Variants in KLKB1 observed in about 807,000 individuals in gnomAD.
KLKB1 encodes kallikrein B1, also known as plasma kallikrein.
Under a neutral mutation model 73.6 loss-of-function variants are expected in KLKB1, and 58 were observed. The ratio of observed to expected loss-of-function variants is 0.79; its 90% CI spans 0.64 to 0.98. KLKB1 has a LOEUF of 0.98. Among genes scored for constraint, KLKB1 ranks in the 50% least tolerant of loss-of-function variants. The probability of loss-of-function intolerance (pLI) is 0.00; values close to 1 mark genes in which losing one functional copy is unlikely to be tolerated. For missense variants in KLKB1, 737 were observed against 763.8 expected (o/e 0.96, Z 0.41); for synonymous variants, 280 against 258.1 (o/e 1.08, Z -0.81).
chr4:186,231,863 T>G (rs1478838456), intron 2 of KLKB1, among the ~76,000 whole-genome samples: 1 of 152,238 alleles, frequency 6.6e-6, no homozygotes, highest in Non-Finnish European at 1.5e-5. Context: ...GATTTTATTT[T>G]ATTGTGGGGA....
intron 4 of KLKB1, among the ~76,000 whole-genome samples, chr4:186,234,890 T>G (rs1047512185): frequency 2.6e-5 from 4 of 152,260 alleles, no homozygotes; most frequent in Non-Finnish European, 5.9e-5. Context: ...GTCAGAATCT[T>G]AAAATAACTG....
At chr4:186,234,125 A>G in intron 4 of KLKB1, 67 bp downstream of exon 4, 1 of 1,225,362 alleles carries the variant, frequency 8.2e-7, no homozygotes, top group Non-Finnish European at 1.2e-6. Flanking sequence ...GCTTTTGCTC[A>G]AAGTTTGTAC....
At chr4:186,232,560 C>T (rs993535848) in intron 3 of KLKB1, among the ~76,000 whole-genome samples, 4 of 152,134 alleles carry the variant, frequency 2.6e-5, no homozygotes, top group Non-Finnish European at 5.9e-5. Context: ...CTATTCAAAG[C>T]CTCAAAATGC....
chr4:186,227,188 A>G (rs1054202647), upstream of KLKB1, among the ~76,000 whole-genome samples: 5 of 152,094 alleles, frequency 3.3e-5, no homozygotes, highest in Admixed American at 6.5e-5. Flanking sequence ...TCCTTCCTAT[A>G]CACTTCTATG....
At chr4:186,227,189 C>T (rs1737195860), upstream of KLKB1, among the ~76,000 whole-genome samples, 1 of 152,190 alleles carries the variant, frequency 6.6e-6, no homozygotes, top group Non-Finnish European at 1.5e-5. Flanking sequence ...CCTTCCTATA[C>T]ACTTCTATGT....
rs1243099986 is a variant in KLKB1, at chr4:186,254,665, C to T, written c.1391C>T (p.Ser464Leu). 2 of 1,613,260 alleles carry T rather than the reference C, an allele frequency of 1.2e-6. No individual in the cohort carries two copies. The highest frequency in any genetic ancestry group is 2.2e-5 in the East Asian group (1 of 44,894). ...LSDITKDTPF[S>L]QIKEIIIHQN... ...GACATTACAAAAGATACACCTTTCTCACAAATAAAAGAGATTATTATTCAC... is the reference window on the plus strand; with the variant it reads ...GACATTACAAAAGATACACCTTTCTTACAAATAAAAGAGATTATTATTCAC... The change falls in exon 12 of 15, where the codon TCA becomes TTA. Residue 464 changes from serine (S) to leucine (L), a missense_variant. Coordinates refer to ENST00000264690, the MANE Select transcript of KLKB1 (RefSeq NM_000892.5).
chr4:186,225,757 A>G (rs571931046), upstream of KLKB1, among the ~76,000 whole-genome samples: 4 of 152,030 alleles, frequency 2.6e-5, no homozygotes, highest in South Asian at 4.2e-4. Flanking sequence ...TATTTAATCT[A>G]TTTGGAGTTC....
At position 186,241,641 on chromosome 4, in the gene KLKB1, T is replaced by C. The variant is rs181122963; in HGVS notation, c.598+3276T>C. ...TGACTTATTAATTTATCAATTGAGATGGTACACATATTTTCAAGCCAAAAG... is the reference window on the plus strand; with the variant it reads ...TGACTTATTAATTTATCAATTGAGACGGTACACATATTTTCAAGCCAAAAG... On this transcript the variant is annotated intron_variant, in intron 6 of 14. Coordinates refer to ENST00000264690, the MANE Select transcript of KLKB1 (RefSeq NM_000892.5). Among the ~76,000 whole-genome samples, 14 of 152,292 alleles carry C rather than the reference T, an allele frequency of 9.2e-5. 1 individual carries two copies. The highest frequency in any genetic ancestry group is 7.8e-4 in the Admixed American group (12 of 15,300).
At chr4:186,217,977 A>G (rs551466018) in intron 2 of KLKB1, among the ~76,000 whole-genome samples, 2 of 152,298 alleles carry the variant, frequency 1.3e-5, no homozygotes, top group South Asian at 4.1e-4. Context: ...CAGATAGTAA[A>G]TCTTCTTGGC....
intron 6 of KLKB1, among the ~76,000 whole-genome samples, chr4:186,238,620 A>G (rs1737834921): frequency 6.6e-6 from 1 of 152,174 alleles, no homozygotes; most frequent in Non-Finnish European, 1.5e-5. Context: ...TCAGAGCCAG[A>G]GAGAGAGGTT....
At chr4:186,254,863 T>A (rs558172040) in intron 12 of KLKB1, 100 bp downstream of exon 12, 2 of 1,080,774 alleles carry the variant, frequency 1.9e-6, no homozygotes, top group African/African-American at 1.6e-5. Flanking sequence ...CTGTCGTCGT[T>A]TTCTGACTGG....
At chr4:186,247,985 C>T (rs1349794626) in intron 6 of KLKB1, among the ~76,000 whole-genome samples, 6 of 152,288 alleles carry the variant, frequency 3.9e-5, no homozygotes, top group East Asian at 1.9e-4. Context: ...CGGTGGCTCA[C>T]GCCTGTAATC....
Position 186,251,589 on chromosome 4 carries a change from A to G in KLKB1, c.971A>G (p.Lys324Arg), listed in dbSNP as rs1308463192. Reference protein sequence around the residue: ...GVNVCQETCTKMIRCQFFTYS... With the variant: ...GVNVCQETCTRMIRCQFFTYS... Reference sequence around the variant, plus strand: ...AATGTTTGCCAAGAGACTTGCACAAAGATGATTCGCTGTCAGTTTTTCACT... The same window carrying G: ...AATGTTTGCCAAGAGACTTGCACAAGGATGATTCGCTGTCAGTTTTTCACT... The change falls in exon 9 of 15, where the codon AAG (lysine) becomes AGG (arginine). Residue 324 changes from lysine to arginine, a missense_variant. Transcript: ENST00000264690. The G allele has an allele frequency of 6.2e-7, 1 of 1,614,174 alleles. No homozygotes were observed. The highest frequency in any genetic ancestry group is 1.7e-5 in the Admixed American group (1 of 60,028).
intron 6 of KLKB1, among the ~76,000 whole-genome samples, chr4:186,240,062 A>G (rs1348214274): frequency 6.6e-6 from 1 of 150,506 alleles, no homozygotes; most frequent in Non-Finnish European, 1.5e-5. Context: ...TGATATTGTT[A>G]TAGTTATAGG....
rs1167993050 is a variant in KLKB1, at chr4:186,240,258, G to T, written c.598+1893G>T. Among the ~76,000 whole-genome samples, 5 of 152,012 alleles carry T rather than the reference G, an allele frequency of 3.3e-5. No individual in the cohort carries two copies. The East Asian group carries it at 7.8e-4, about 24-fold the overall frequency. ...GTTATAGGACAGTGATGTAGTTACA[G>T]TGATATAGGTACAGTGATATTGTTA... On this transcript the variant is annotated intron_variant, in intron 6 of 14. Coordinates refer to ENST00000264690, the MANE Select transcript of KLKB1 (RefSeq NM_000892.5).
At chr4:186,227,335 G>C (rs1737202387), upstream of KLKB1, 1 of 152,194 alleles carries the variant, frequency 6.6e-6, no homozygotes, top group Non-Finnish European at 1.5e-5. Context: ...AGAAACTCCT[G>C]TTCTGACAAA....
In KLKB1 at chr4:186,251,207, T is replaced by A. The variant is rs561427425; in HGVS notation, c.759-12T>A. On this transcript the variant is annotated splice_polypyrimidine_tract_variant and intron_variant, in intron 7 of 14. Coordinates refer to ENST00000264690, the MANE Select transcript of KLKB1 (RefSeq NM_000892.5). ...TCTTTCTTTCTCTCTTGCTTTTTTT[T>A]AAAAAAAATAGAAATGTTTGTCTTC... 6.0e-5 allele frequency: 93 copies of A among 1,557,998 alleles called. No individual in the cohort carries two copies. The African/African-American group carries it at 6.0e-4, about 10-fold the overall frequency.
chr4:186,258,054 A>G lies in KLKB1; in HGVS notation c.1759A>G (p.Asn587Asp), dbSNP rs750817777. Residue 587 changes from asparagine (N) to aspartate (D), a missense_variant, in exon 15 of 15, where the codon AAT (asparagine) becomes GAT (aspartate). Coordinates refer to ENST00000264690, the MANE Select transcript of KLKB1 (RefSeq NM_000892.5). ...DSGGPLVCKH[N>D]GMWRLVGITS... The stretch of plus-strand genomic sequence containing the variant: ...AGGTGGTCCCTTAGTTTGCAAACAC[A>G]ATGGAATGTGGCGTTTGGTGGGCAT... 5 of 1,613,956 alleles carry G rather than the reference A, an allele frequency of 3.1e-6. No individual in the cohort carries two copies. The African/African-American group carries it at 5.3e-5, about 17-fold the overall frequency.
intron 2 of KLKB1, among the ~76,000 whole-genome samples, chr4:186,214,927 T>C (rs1736844132): frequency 6.6e-6 from 1 of 152,232 alleles, no homozygotes; most frequent in Non-Finnish European, 1.5e-5. Context: ...ACGTTCTTTC[T>C]CCTTCCCATC....
Sources: allele counts gnomAD v4.1 joint callset (sites outside exome capture counted in the v4.1 genomes callset), GRCh38; gene constraint gnomAD v4.1.1; transcripts MANE v1.5; gene names NCBI Gene and HGNC (gene_info 2026-07-23, HGNC 2026-07-21).